BLOC1S5: variants seen among roughly 807,000 people sequenced by gnomAD.
BLOC1S5 encodes the protein biogenesis of lysosomal organelles complex 1 subunit 5, also known as biogenesis of lysosome-related organelles complex 1 subunit 5.
In BLOC1S5, 27 loss-of-function variants were observed where a neutral mutation model predicts 24.3. The observed-to-expected ratio is 1.11, with a 90% confidence interval of 0.82 to 1.53. BLOC1S5 has a LOEUF of 1.53. Among genes scored for constraint, BLOC1S5 ranks in the 40% most tolerant of loss-of-function variants. The pLI is 0.00. For synonymous variants in BLOC1S5, 84 were observed against 74.5 expected (o/e 1.13, Z -0.66); for missense variants, 239 against 229.4 (o/e 1.04, Z -0.27).
intron 4 of BLOC1S5, among the ~76,000 whole-genome samples, chr6:8,019,717 T>C (rs2113512614): frequency 6.6e-6 from 1 of 152,258 alleles, no homozygotes; most frequent in South Asian, 2.1e-4. Context: ...GTTGAGAATG[T>C]GCTAAGACCT....
intron 2 of BLOC1S5, among the ~76,000 whole-genome samples, chr6:8,058,241 C>G (rs757561573): frequency 2.0e-5 from 3 of 151,434 alleles, no homozygotes; most frequent in Non-Finnish European, 2.9e-5. Flanking sequence ...CCTTGTAGGC[C>G]GAGCATGGTG....
chr6:8,055,542 G>A (rs899573479), intron 2 of BLOC1S5, among the ~76,000 whole-genome samples: 1 of 152,124 alleles, frequency 6.6e-6, no homozygotes, highest in Non-Finnish European at 1.5e-5. Context: ...CTAATCAATT[G>A]TGTGGGATTT....
chr6:8,036,308 A>G (rs1215060491), intron 3 of BLOC1S5, among the ~76,000 whole-genome samples: 1 of 150,368 alleles, frequency 6.7e-6, no homozygotes, highest in Non-Finnish European at 1.5e-5. Context: ...GGAACAAAAA[A>G]TTAGGAGAAG....
intron 3 of BLOC1S5, among the ~76,000 whole-genome samples, chr6:8,029,928 T>C (rs556133742): frequency 9.2e-5 from 14 of 152,116 alleles, no homozygotes; most frequent in African/African-American, 3.1e-4. Flanking sequence ...TGGGAATAAA[T>C]AACTAATGCT....
chr6:8,063,059 AAATAT>A lies in BLOC1S5; in HGVS notation c.113-448_113-444del. Among the ~76,000 whole-genome samples the A allele has an allele frequency of 1.3e-5, 2 of 152,106 alleles. 1 individual carries two copies. Among genetic ancestry groups the A allele is most frequent in the Admixed American group, 1.3e-4 (2 of 15,280 alleles). Reference sequence around the variant, plus strand: ...TAAAAAATAATACGTATTTTATAATAAATATAATAAAAAAGCAAGTTTCAGAAGGA... The same window carrying A: ...TAAAAAATAATACGTATTTTATAATAAATAAAAAAGCAAGTTTCAGAAGGA... On this transcript the variant is annotated intron_variant, in intron 1 of 4. Transcript: ENST00000397457.
chr6:8,039,933 T>C (rs1249226452), intron 3 of BLOC1S5, among the ~76,000 whole-genome samples: 1 of 152,194 alleles, frequency 6.6e-6, no homozygotes, highest in East Asian at 1.9e-4. Flanking sequence ...CAAGCGAGTT[T>C]AAACAAGAAA....
chr6:8,026,736 C>T (rs2744009), intron 3 of BLOC1S5, among the ~76,000 whole-genome samples: 93,574 of 152,066 alleles, frequency 0.62, 29,506 homozygotes, highest in East Asian at 0.94. Flanking sequence ...GTAACCACAT[C>T]ACTTCAACAA....
In BLOC1S5 at chr6:8,019,863, G is replaced by A. The variant is rs1007861706; in HGVS notation, c.385-4035C>T. On this transcript the variant is annotated intron_variant, in intron 4 of 4. Coordinates refer to ENST00000397457, the MANE Select transcript of BLOC1S5 (RefSeq NM_201280.3). ...AGCTTAGTTAACTGGTTTCTAAGAC[G>A]ACACCCTATGAAAAAGTCACAAGTT... Among the ~76,000 whole-genome samples the A allele has an allele frequency of 1.1e-4, 17 of 152,126 alleles. No homozygotes were observed. In the South Asian group the frequency reaches 2.9e-3, roughly 26 times the overall value.
At chr6:8,063,172 A>G (rs949358485) in intron 1 of BLOC1S5, among the ~76,000 whole-genome samples, 4 of 152,178 alleles carry the variant, frequency 2.6e-5, no homozygotes, top group Non-Finnish European at 5.9e-5. Context: ...CTATAAAGAA[A>G]TGCACAAGAA....
chr6:8,041,229 A>G lies in BLOC1S5; in HGVS notation c.235T>C (p.Leu79=). 6.2e-7 allele frequency: 1 copy of G among 1,612,656 alleles called. No individual in the cohort carries two copies. Among genetic ancestry groups the G allele is most frequent in the Non-Finnish European group, 8.5e-7 (1 of 1,179,410 alleles). The change falls in exon 3 of 5, where the codon TTG becomes CTG. Residue 79 remains leucine, a synonymous_variant. Coordinates refer to ENST00000397457, the MANE Select transcript of BLOC1S5 (RefSeq NM_201280.3). ...TTTGTTTCATGGATCATGTTCTTCA[A>G]ATTTTCAAGAACTCGCATTTCTCGA... ...GLREMRVLEN[L]KNMIHETNEH...
chr6:8,063,993 G>A (rs1757355223), intron 1 of BLOC1S5, among the ~76,000 whole-genome samples: 2 of 152,228 alleles, frequency 1.3e-5, no homozygotes, highest in Non-Finnish European at 2.9e-5. Context: ...TCTGCGCCCA[G>A]GGGTCCTGAG....
chr6:8,036,405 G>T (rs150251864), intron 3 of BLOC1S5, among the ~76,000 whole-genome samples: 4 of 152,038 alleles, frequency 2.6e-5, no homozygotes, highest in Non-Finnish European at 5.9e-5. Context: ...ACAACTATAC[G>T]CCAACAAATT....
At chr6:8,021,219 G>A (rs1191690057) in intron 4 of BLOC1S5, among the ~76,000 whole-genome samples, 6 of 152,222 alleles carry the variant, frequency 3.9e-5, no homozygotes, top group Non-Finnish European at 7.3e-5. Context: ...GAGCTGGAAA[G>A]TAGAATGGTG....
At chr6:8,022,506 C>T (rs1762945916) in intron 4 of BLOC1S5, among the ~76,000 whole-genome samples, 1 of 151,288 alleles carries the variant, frequency 6.6e-6, no homozygotes, top group South Asian at 2.1e-4. Context: ...AGTATAACAA[C>T]TGCCAAAAAT....
intron 2 of BLOC1S5, among the ~76,000 whole-genome samples, chr6:8,050,268 T>C (rs964787765): frequency 1.4e-4 from 21 of 152,146 alleles, no homozygotes; most frequent in Admixed American, 8.5e-4. Flanking sequence ...ACTGTTGTCA[T>C]AGTTTTGGGG....
At chr6:8,064,192 G>A in intron 1 of BLOC1S5, 73 bp downstream of exon 1, 1 of 1,344,018 alleles carries the variant, frequency 7.4e-7, no homozygotes, top group Non-Finnish European at 1.0e-6. Context: ...GGTCGGCCCG[G>A]GTCAGAGGGC....
At chr6:8,020,397 A>C (rs570199875) in intron 4 of BLOC1S5, among the ~76,000 whole-genome samples, 1 of 152,376 alleles carries the variant, frequency 6.6e-6, no homozygotes, top group South Asian at 2.1e-4. Context: ...CTAAGGCAAA[A>C]GAAGTTAACT....
At chr6:8,059,906 C>CGT (rs1165372841) in intron 2 of BLOC1S5, among the ~76,000 whole-genome samples, 1 of 152,184 alleles carries the variant, frequency 6.6e-6, no homozygotes, top group African/African-American at 2.4e-5. Context: ...TTCAAAGCAC[C>CGT]GTAAGAACGA....
chr6:8,019,371 C>A (rs935633079), intron 4 of BLOC1S5, among the ~76,000 whole-genome samples: 1 of 151,258 alleles, frequency 6.6e-6, no homozygotes, highest in Non-Finnish European at 1.5e-5. Flanking sequence ...CGGGTTCAAG[C>A]AATTCTCATG....
Sources: allele counts gnomAD v4.1 joint callset (sites outside exome capture counted in the v4.1 genomes callset), GRCh38; gene constraint gnomAD v4.1.1; transcripts MANE v1.5; gene names NCBI Gene and HGNC (gene_info 2026-07-23, HGNC 2026-07-21).